The following ASXL2 variants were observed in gnomAD, a reference collection of about 807,000 sequenced individuals.
ASXL2 encodes the protein ASXL transcriptional regulator 2, also known as putative Polycomb group protein ASXL2.
A neutral mutation model predicts 122.0 loss-of-function variants in ASXL2; 23 were observed. That is an observed-to-expected ratio of 0.19 (90% CI 0.14 to 0.27). The LOEUF (loss-of-function observed/expected upper bound fraction) is 0.27. Among genes scored for constraint, ASXL2 ranks in the 10% least tolerant of loss-of-function variants. The pLI, the probability that ASXL2 is intolerant of heterozygous loss-of-function variation, is 1.00. For missense variants in ASXL2, 1,518 were observed against 1,713.8 expected (o/e 0.89, Z 2.02); for synonymous variants, 650 against 637.0 (o/e 1.02, Z -0.31).
chr2:25,860,414 T>A (rs1021924358), intron 1 of ASXL2, among the ~76,000 whole-genome samples: 1 of 151,428 alleles, frequency 6.6e-6, no homozygotes, highest in Non-Finnish European at 1.5e-5. Flanking sequence ...ACTGAATGCA[T>A]GTATTAGAAA....
rs1274890331 is a variant in ASXL2 at position 25,743,840 on chromosome 2, G to T, written c.2497C>A (p.Pro833Thr). 1.2e-6 allele frequency: 2 copies of T among 1,613,918 alleles called. No homozygotes were observed. Among genetic ancestry groups the T allele is most frequent in the Middle Eastern group, 1.6e-4 (1 of 6,084 alleles). The change falls in exon 13 of 13, where the codon CCT becomes ACT. Residue 833 changes from proline (P) to threonine (T), a missense_variant. This residue lies in a region of ASXL2 where 831 missense variants were observed against 833.1 expected (regional missense o/e 1.00). Coordinates refer to ENST00000435504, the MANE Select transcript of ASXL2 (RefSeq NM_018263.6). The part of the protein sequence containing the change: ...GPSSCRQEKA[P>T]SPTGPALISG... ...ATTAGAGCAGGACCTGTTGGAGAAG[G>T]TGCTTTCTCCTGTCTGCAACTACTG...
At chr2:25,857,302 CA>C (rs2089792075) in intron 1 of ASXL2, among the ~76,000 whole-genome samples, 2 of 152,038 alleles carry the variant, frequency 1.3e-5, no homozygotes, top group Admixed American at 6.6e-5. Context: ...CATTCTACTG[CA>C]AAAATAGTCA....
chr2:25,829,079 C>G (rs1287654381), intron 3 of ASXL2, among the ~76,000 whole-genome samples: 1 of 152,088 alleles, frequency 6.6e-6, no homozygotes, highest in East Asian at 1.9e-4. Context: ...CAGCATCAGG[C>G]TTTTCAATCT....
chr2:25,848,843 C>G (rs2089681983), intron 1 of ASXL2, among the ~76,000 whole-genome samples: 1 of 150,580 alleles, frequency 6.6e-6, no homozygotes, highest in African/African-American at 2.5e-5. Flanking sequence ...GTCAAGAGTT[C>G]AAGACCAGCC....
chr2:25,872,303 G>C (rs761508842), intron 1 of ASXL2, among the ~76,000 whole-genome samples: 4 of 152,140 alleles, frequency 2.6e-5, no homozygotes, highest in Non-Finnish European at 4.4e-5. Context: ...GATCCCTTGA[G>C]CCTGGGAGGC....
intron 2 of ASXL2, among the ~76,000 whole-genome samples, chr2:25,843,013 G>T (rs1408956894): frequency 6.6e-6 from 1 of 151,140 alleles, no homozygotes; most frequent in African/African-American, 2.4e-5. Context: ...ATAGAGACGG[G>T]GTTTTGGCTG....
At chr2:25,772,168 G>C (rs1477890508) in intron 5 of ASXL2, among the ~76,000 whole-genome samples, 2 of 152,090 alleles carry the variant, frequency 1.3e-5, no homozygotes, top group Non-Finnish European at 2.9e-5. Context: ...ATGCGAACAA[G>C]GGTTCTTTAA....
intron 1 of ASXL2, among the ~76,000 whole-genome samples, chr2:25,855,785 G>A (rs1417736744): frequency 1.3e-5 from 2 of 150,114 alleles, no homozygotes; most frequent in Admixed American, 6.6e-5. Context: ...GCAGTGAGCC[G>A]AGATCGTGCC....
At position 25,741,506 on chromosome 2, in the gene ASXL2, T is replaced by C. The variant is rs1035860390; in HGVS notation, c.*523A>G. The C allele has an allele frequency of 1.9e-4, 45 of 231,360 alleles. No individual in the cohort carries two copies. In the Admixed American group the frequency reaches 2.3e-3, roughly 12 times the overall value. 14.3% of individuals were successfully genotyped at this position (231,360 alleles called of 1,614,324 possible). On this transcript the variant is annotated 3_prime_UTR_variant, in exon 13 of 13. Coordinates refer to ENST00000435504, the MANE Select transcript of ASXL2 (RefSeq NM_018263.6). ...AAGGTAAAGGGACTGAGTAAAACCCTGAATCCAAGTCCTGCAAAGGCTGAA... is the reference window on the plus strand; with the variant it reads ...AAGGTAAAGGGACTGAGTAAAACCCCGAATCCAAGTCCTGCAAAGGCTGAA...
intron 5 of ASXL2, among the ~76,000 whole-genome samples, chr2:25,788,123 G>A (rs1175390410): frequency 6.6e-6 from 1 of 152,082 alleles, no homozygotes; most frequent in Non-Finnish European, 1.5e-5. Flanking sequence ...AATGAAAGAA[G>A]TCTTCAAAAA....
intron 3 of ASXL2, among the ~76,000 whole-genome samples, chr2:25,821,051 T>C (rs1451877996): frequency 1.3e-5 from 2 of 151,968 alleles, no homozygotes; most frequent in African/African-American, 2.4e-5. Flanking sequence ...TGGAGGCACA[T>C]GCCCATAATC....
chr2:25,742,304 C>G lies in ASXL2; in HGVS notation c.4033G>C (p.Val1345Leu). The change falls in exon 13 of 13, where the codon GTA becomes CTA. Residue 1345 changes from valine (V) to leucine (L), a missense_variant. Around this residue, in one of 8 missense-constraint regions of ASXL2, gnomAD observed 831 missense variants for 833.1 expected, o/e 1.00. Transcript: ENST00000435504. ...TTGCTAGATACCTGGCTACCTGGTA[C>G]AGCAGAGTTATGGTCCATGTCAGAT... The part of the protein sequence containing the change: ...TSSDMDHNSA[V>L]PGSQVSSNVG... The G allele has an allele frequency of 6.2e-7, 1 of 1,613,888 alleles. No homozygotes were observed.
rs764689410 is a variant in ASXL2, at chr2:25,749,949, G to C, written c.1607C>G (p.Pro536Arg). ...CGCTCCTGCTGTGGGCTTCACTATTGGTTTTTCAACCCCAGGACTCTTGGG... is the reference window on the plus strand; with the variant it reads ...CGCTCCTGCTGTGGGCTTCACTATTCGTTTTTCAACCCCAGGACTCTTGGG... ...SKPKSPGVEK[P>R]IVKPTAGAGP... is the part of the protein sequence containing the mutation. The change falls in exon 12 of 13, where the codon CCA becomes CGA. Residue 536 changes from proline to arginine, a missense_variant. By Grantham distance (103) the Pro-to-Arg change is moderately radical. Transcript: ENST00000435504. The C allele has an allele frequency of 6.2e-7, 1 of 1,613,904 alleles. No homozygotes were observed. The highest frequency in any genetic ancestry group is 8.5e-7 in the Non-Finnish European group (1 of 1,179,882).
intron 3 of ASXL2, among the ~76,000 whole-genome samples, chr2:25,814,092 A>G (rs1401835888): frequency 1.3e-5 from 2 of 152,212 alleles, no homozygotes; most frequent in Admixed American, 6.5e-5. Context: ...ACAAACTGCC[A>G]TAATATTTTC....
intron 10 of ASXL2, among the ~76,000 whole-genome samples, chr2:25,755,731 A>G (rs1357446306): frequency 6.6e-6 from 1 of 152,190 alleles, no homozygotes; most frequent in Non-Finnish European, 1.5e-5. Context: ...TTAATGTAGA[A>G]TTGCTGAATC....
At chr2:25,746,874 G>A (rs1355121106) in intron 12 of ASXL2, among the ~76,000 whole-genome samples, 2 of 152,162 alleles carry the variant, frequency 1.3e-5, no homozygotes, top group Non-Finnish European at 2.9e-5. Context: ...AGAGCAGAGA[G>A]ATTCAATCCT....
intron 1 of ASXL2, among the ~76,000 whole-genome samples, chr2:25,875,211 C>T (rs762957206): frequency 3.9e-5 from 6 of 152,212 alleles, no homozygotes; most frequent in Non-Finnish European, 7.3e-5. Flanking sequence ...TCAGGTGAAT[C>T]GCAGCTCCAT....
At chr2:25,825,558 G>C (rs1411921740) in intron 3 of ASXL2, among the ~76,000 whole-genome samples, 1 of 152,040 alleles carries the variant, frequency 6.6e-6, no homozygotes, top group African/African-American at 2.4e-5. Context: ...TTTTTTGTCT[G>C]GCTTATTTCA....
At chr2:25,781,143 T>C (rs1057061868) in intron 5 of ASXL2, among the ~76,000 whole-genome samples, 1 of 152,202 alleles carries the variant, frequency 6.6e-6, no homozygotes, top group Admixed American at 6.5e-5. Flanking sequence ...TTATTATAAC[T>C]TTAATTTCTT....
Sources: gnomAD v4.1 joint callset for allele counts (sites outside exome capture counted in the v4.1 genomes callset) on GRCh38, gnomAD v4.1.1 for gene constraint, gnomAD v4.1.1 regional missense constraint, MANE v1.5 for transcripts, NCBI Gene and HGNC (gene_info 2026-07-23, HGNC 2026-07-21) for gene names.